Variants in GPHN observed in about 807,000 individuals in gnomAD.
The protein encoded by GPHN is gephyrin.
In GPHN, 17 loss-of-function variants were observed where a neutral mutation model predicts 95.5. The ratio of observed to expected loss-of-function variants is 0.18; its 90% CI spans 0.12 to 0.27. The LOEUF (loss-of-function observed/expected upper bound fraction) is 0.27, where lower values mean the gene tolerates loss of function less well. Among genes scored for constraint, GPHN ranks in the 10% least tolerant of loss-of-function variants. The pLI, the probability that GPHN is intolerant of heterozygous loss-of-function variation, is 1.00. For missense variants in GPHN, 660 were observed against 978.1 expected (o/e 0.67, Z 4.34); for synonymous variants, 320 against 322.5 (o/e 0.99, Z 0.08).
At position 67,109,688 on chromosome 14, in the gene GPHN, T is replaced by C. The variant is rs72715375; in HGVS notation, c.1294-452T>C. 9.9e-3 allele frequency among the ~76,000 whole-genome samples: 1,503 copies of C among 152,322 alleles called. 9 individuals carry two copies. The highest frequency in any genetic ancestry group is 0.015 in the Non-Finnish European group (1,010 of 68,022). Reference sequence around the variant, plus strand: ...CTTGCCTTTATTTAACCAAAAAGTTTAGTTAATAAAGTACTGCATTTCTCA... The same window carrying C: ...CTTGCCTTTATTTAACCAAAAAGTTCAGTTAATAAAGTACTGCATTTCTCA... On this transcript the variant is annotated intron_variant, in intron 13 of 22. Transcript: ENST00000478722.
chr14:67,280,376 T>C, the GPHN span, among the ~76,000 whole-genome samples: 4 of 152,246 alleles, frequency 2.6e-5, no homozygotes, highest in African/African-American at 9.6e-5. Flanking sequence ...AAAAAAGATA[T>C]ATTTCTACTT....
intron 1 of GPHN, among the ~76,000 whole-genome samples, chr14:66,565,589 C>T (rs2060428309): frequency 1.3e-5 from 2 of 152,100 alleles, no homozygotes; most frequent in South Asian, 2.1e-4. Flanking sequence ...TGTGAGCCAC[C>T]GTGCCTGGCC....
chr14:67,021,314 G>A (rs1254411689), intron 9 of GPHN, among the ~76,000 whole-genome samples: 2 of 152,046 alleles, frequency 1.3e-5, no homozygotes, highest in Non-Finnish European at 2.9e-5. Flanking sequence ...AATAGCCAAT[G>A]TAATATAAAT....
the GPHN span, chr14:67,295,114 T>C: frequency 2.6e-5 from 4 of 151,724 alleles, no homozygotes; most frequent in African/African-American, 9.7e-5. Context: ...AGTGTGTGTG[T>C]GTGTGTGTGT....
intron 1 of GPHN, among the ~76,000 whole-genome samples, chr14:66,645,925 A>G (rs1008115593): frequency 3.3e-5 from 5 of 152,076 alleles, no homozygotes; most frequent in Admixed American, 2.6e-4. Context: ...CAAATATGCC[A>G]TATAATTATC....
the GPHN span, among the ~76,000 whole-genome samples, chr14:67,300,838 GTCTT>G: frequency 6.6e-6 from 1 of 151,530 alleles, no homozygotes; most frequent in Non-Finnish European, 1.5e-5. Flanking sequence ...TAGACTGTCA[GTCTT>G]TTTTTTTAAT....
chr14:67,638,292 G>A, the GPHN span, among the ~76,000 whole-genome samples: 1 of 152,126 alleles, frequency 6.6e-6, no homozygotes, highest in Non-Finnish European at 1.5e-5. Context: ...AGAAGGCCAT[G>A]ATGGGAGCAT....
chr14:66,941,559 G>A (rs2067428709), intron 8 of GPHN, among the ~76,000 whole-genome samples: 1 of 151,988 alleles, frequency 6.6e-6, no homozygotes, highest in Admixed American at 6.6e-5. Context: ...CACAGATCAG[G>A]AACCCTATAC....
intron 17 of GPHN, among the ~76,000 whole-genome samples, chr14:67,140,445 G>A (rs923665033): frequency 6.6e-6 from 1 of 151,682 alleles, no homozygotes; most frequent in Admixed American, 6.6e-5. Flanking sequence ...TAATCAGCTA[G>A]GCTCCAGAAC....
chr14:66,704,146 A>T (rs1264147895), intron 2 of GPHN, among the ~76,000 whole-genome samples: 1 of 152,160 alleles, frequency 6.6e-6, no homozygotes, highest in East Asian at 1.9e-4. Context: ...TGCACCCAAT[A>T]CAGGTGCACT....
At position 66,516,292 on chromosome 14, in the gene GPHN, A is replaced by G. The variant is rs184073822; in HGVS notation, c.64+7701A>G. Reference sequence around the variant, plus strand: ...CTTAGCCTCCCAAAGTGCTGGGATTACAGATGTGAGCCACCGTGCCTGGCC... The same window carrying G: ...CTTAGCCTCCCAAAGTGCTGGGATTGCAGATGTGAGCCACCGTGCCTGGCC... On this transcript the variant is annotated intron_variant, in intron 1 of 22. Coordinates refer to ENST00000478722, the MANE Select transcript of GPHN (RefSeq NM_020806.5). 9.6e-3 allele frequency among the ~76,000 whole-genome samples: 1,454 copies of G among 151,916 alleles called. 12 individuals are homozygous for G. Among genetic ancestry groups the G allele is most frequent in the Non-Finnish European group, 0.014 (963 of 67,996 alleles).
chr14:67,551,142 G>A, the GPHN span, among the ~76,000 whole-genome samples: 5 of 152,094 alleles, frequency 3.3e-5, no homozygotes, highest in Non-Finnish European at 7.4e-5. Context: ...ATTAATAGTG[G>A]GCAACCTCTG....
chr14:67,589,602 C>G, the GPHN span: 17 of 986,090 alleles, frequency 1.7e-5, no homozygotes, highest in Non-Finnish European at 2.0e-5. Flanking sequence ...AACACAGGCA[C>G]TAGGTTGACA....
the GPHN span, among the ~76,000 whole-genome samples, chr14:67,289,896 G>A: frequency 6.6e-6 from 1 of 150,526 alleles, no homozygotes; most frequent in African/African-American, 2.4e-5. Flanking sequence ...TCAGCCTCTC[G>A]AGTAGCTGGG....
At chr14:67,650,886 A>G in the GPHN span, 2 of 1,614,024 alleles carry the variant, frequency 1.2e-6, no homozygotes, top group African/African-American at 2.7e-5. Context: ...AGTTCACCAG[A>G]TGAATCAGAA....
the GPHN span, among the ~76,000 whole-genome samples, chr14:67,464,429 C>A: frequency 6.6e-6 from 1 of 152,102 alleles, no homozygotes; most frequent in Non-Finnish European, 1.5e-5. Flanking sequence ...CACCCTCTGT[C>A]CCCCTGCCCC....
At chr14:67,100,709 G>A (rs999609605) in intron 12 of GPHN, 147 bp from the exon 13 acceptor site, 1 of 682,996 alleles carries the variant, frequency 1.5e-6, no homozygotes, top group African/African-American at 1.8e-5. Context: ...CAAAGCCATT[G>A]TCAAGTCTAG....
intron 3 of GPHN, among the ~76,000 whole-genome samples, chr14:66,803,257 G>T (rs1308542099): frequency 6.6e-6 from 1 of 152,134 alleles, no homozygotes; most frequent in African/African-American, 2.4e-5. Flanking sequence ...TCTCCCCAGG[G>T]CACAGAAATG....
the GPHN span, among the ~76,000 whole-genome samples, chr14:67,382,238 C>T: frequency 6.6e-6 from 1 of 151,606 alleles, no homozygotes; most frequent in Admixed American, 6.6e-5. Flanking sequence ...TGCATTAGAT[C>T]CCTGTGTTGA....
Sources: gnomAD v4.1 joint callset for allele counts (sites outside exome capture counted in the v4.1 genomes callset) on GRCh38, gnomAD v4.1.1 for gene constraint, MANE v1.5 for transcripts, NCBI Gene and HGNC (gene_info 2026-07-23, HGNC 2026-07-21) for gene names.